RPTOR: variants seen among roughly 807,000 people sequenced by gnomAD.
The protein encoded by RPTOR is regulatory-associated protein of mTOR.
Under a neutral mutation model 169.9 loss-of-function variants are expected in RPTOR, and 21 were observed. That is an observed-to-expected ratio of 0.12 (90% CI 0.09 to 0.18). The LOEUF is 0.18. Among genes scored for constraint, RPTOR ranks in the 10% least tolerant of loss-of-function variants. RPTOR has a pLI of 1.00. For missense variants in RPTOR, 1,133 were observed against 1,855.9 expected, an observed-to-expected ratio of 0.61 and a Z score of 7.16; for synonymous variants, 732 against 753.2, an observed-to-expected ratio of 0.97 and a Z score of 0.46.
chr17:80,678,874 C>T (rs1425618392), intron 3 of RPTOR, among the ~76,000 whole-genome samples: 3 of 152,206 alleles, frequency 2.0e-5, no homozygotes, highest in Admixed American at 6.5e-5. Flanking sequence ...TGTGTGTCAT[C>T]GCAGCCCTCT....
chr17:80,588,830 T>C (rs2065082749), intron 1 of RPTOR, among the ~76,000 whole-genome samples: 1 of 152,242 alleles, frequency 6.6e-6, no homozygotes, highest in Non-Finnish European at 1.5e-5. Context: ...GTGGAACATT[T>C]CTTGTCCTGT....
chr17:80,911,035 G>A (rs1352655792), intron 21 of RPTOR, among the ~76,000 whole-genome samples: 1 of 151,988 alleles, frequency 6.6e-6, no homozygotes, highest in Non-Finnish European at 1.5e-5. Flanking sequence ...GTTTCACCGT[G>A]TTGGCCAGGA....
At chr17:80,766,988 T>C (rs1238453187) in intron 6 of RPTOR, among the ~76,000 whole-genome samples, 3 of 152,230 alleles carry the variant, frequency 2.0e-5, no homozygotes, top group Non-Finnish European at 4.4e-5. Context: ...TCAAAACTTT[T>C]TCTAGAGTGC....
chr17:80,686,062 G>T (rs1388755726), intron 3 of RPTOR, among the ~76,000 whole-genome samples: 1 of 152,056 alleles, frequency 6.6e-6, no homozygotes, highest in Admixed American at 6.6e-5. Context: ...GAGATTACGT[G>T]TCTCTAAGAT....
intron 1 of RPTOR, among the ~76,000 whole-genome samples, chr17:80,617,781 G>T (rs529609225): frequency 1.3e-5 from 2 of 152,260 alleles, no homozygotes; most frequent in East Asian, 3.9e-4. Context: ...AGCTCCTCAC[G>T]CAGTCCTTGG....
rs2084318192 is a variant in RPTOR at position 80,549,404 on chromosome 17, G to A, written c.162+3613G>A. Among the ~76,000 whole-genome samples the A allele has an allele frequency of 3.3e-5, 5 of 152,226 alleles. No homozygotes were observed. The South Asian group carries it at 1.0e-3, about 32-fold the overall frequency. On this transcript the variant is annotated intron_variant, in intron 1 of 33. Coordinates refer to ENST00000306801, the MANE Select transcript of RPTOR (RefSeq NM_020761.3). Reference sequence around the variant, plus strand: ...GGCTCACTGCAACCTCCGCCTCTTGGGTTCAAGCGATTCTCCTGCCGCAGC... The same window carrying A: ...GGCTCACTGCAACCTCCGCCTCTTGAGTTCAAGCGATTCTCCTGCCGCAGC...
intron 9 of RPTOR, among the ~76,000 whole-genome samples, chr17:80,834,127 G>T (rs967996501): frequency 6.6e-6 from 1 of 152,192 alleles, no homozygotes; most frequent in African/African-American, 2.4e-5. Context: ...AGCAGGCGGT[G>T]CCAGGGTGCA....
At chr17:80,954,221 A>G (rs2069219476) in intron 28 of RPTOR, among the ~76,000 whole-genome samples, 1 of 152,070 alleles carries the variant, frequency 6.6e-6, no homozygotes, top group Non-Finnish European at 1.5e-5. Context: ...TCTCAGGTTC[A>G]AGCAATTCTC....
rs936971334 is a variant in RPTOR, at chr17:80,927,593, G to T, written c.2919+2113G>T. ...GGAGGAAGTTCCCCAGAGGCATGTG[G>T]AAGGCCGTGTGTGTGTCTGTCTGTC... On this transcript the variant is annotated intron_variant, in intron 24 of 33. Coordinates refer to ENST00000306801, the MANE Select transcript of RPTOR (RefSeq NM_020761.3). 3.1e-5 allele frequency among the ~76,000 whole-genome samples: 4 copies of T among 130,650 alleles called. No homozygotes were observed. The South Asian group carries it at 7.7e-4, about 25-fold the overall frequency. The allele number at this position is 130,650 out of a possible 152,430, so 85.7% of individuals were successfully genotyped here.
chr17:80,643,675 C>CAG lies in RPTOR; in HGVS notation c.266-50_266-49dup. Reference sequence around the variant, plus strand: ...GAGAAACTGTGGAAGAGAGGCCTAGCAGAGGAGGAAATGCAGACGTAAAGA... The same window carrying CAG: ...GAGAAACTGTGGAAGAGAGGCCTAGCAGAGAGGAGGAAATGCAGACGTAAAGA... On this transcript the variant is annotated intron_variant, in intron 2 of 33. Transcript: ENST00000306801. The CAG allele has an allele frequency of 3.7e-6, 5 of 1,360,622 alleles. No homozygotes were observed. In the South Asian group the frequency reaches 6.2e-5, roughly 17 times the overall value. The allele number at this position is 1,360,622 out of a possible 1,614,324, so 84.3% of individuals were successfully genotyped here.
chr17:80,705,302 G>A (rs1294220415), intron 3 of RPTOR, among the ~76,000 whole-genome samples: 1 of 152,228 alleles, frequency 6.6e-6, no homozygotes, highest in African/African-American at 2.4e-5. Context: ...ACACTGAGAG[G>A]GGAGACCACT....
chr17:80,939,486 A>G (rs1450865016), intron 24 of RPTOR, among the ~76,000 whole-genome samples: 1 of 152,238 alleles, frequency 6.6e-6, no homozygotes, highest in Non-Finnish European at 1.5e-5. Context: ...AGTGAAAATA[A>G]ACTTGGTCTT....
At chr17:80,926,059 C>T (rs2068808266) in intron 24 of RPTOR, among the ~76,000 whole-genome samples, 1 of 152,146 alleles carries the variant, frequency 6.6e-6, no homozygotes, top group Non-Finnish European at 1.5e-5. Context: ...AGCAGGGACT[C>T]GTGGAGATTT....
At chr17:80,572,414 T>TA (rs35606823) in intron 1 of RPTOR, among the ~76,000 whole-genome samples, 2,600 of 151,772 alleles carry the variant, frequency 0.017, 93 homozygotes, top group East Asian at 0.13. Flanking sequence ...TTCTTTTTTT[T>TA]AAAAAAATGC....
At chr17:80,710,027 A>T (rs2066174325) in intron 4 of RPTOR, among the ~76,000 whole-genome samples, 1 of 150,852 alleles carries the variant, frequency 6.6e-6, no homozygotes, top group South Asian at 2.1e-4. Flanking sequence ...CCCAGGCTGG[A>T]GTACAGTGGC....
At chr17:80,744,209 T>G (rs368252375) in intron 5 of RPTOR, among the ~76,000 whole-genome samples, 4 of 70,062 alleles carry the variant, frequency 5.7e-5, no homozygotes, top group East Asian at 5.0e-4. Flanking sequence ...CCCTGGTTAC[T>G]AGCACTGTCC....
intron 13 of RPTOR, among the ~76,000 whole-genome samples, chr17:80,864,748 T>C (rs2067967604): frequency 6.6e-6 from 1 of 152,266 alleles, no homozygotes; most frequent in African/African-American, 2.4e-5. Context: ...ATGGGATTTT[T>C]TTCTTTTTAT....
At chr17:80,580,285 G>A (rs1025163966) in intron 1 of RPTOR, among the ~76,000 whole-genome samples, 1 of 152,184 alleles carries the variant, frequency 6.6e-6, no homozygotes, top group African/African-American at 2.4e-5. Context: ...GTTTCTGGAA[G>A]TGATAGAAAT....
chr17:80,823,321 C>G lies in RPTOR; in HGVS notation c.1136+98C>G. On this transcript the variant is annotated intron_variant, in intron 9 of 33. Transcript: ENST00000306801. The surrounding 1 kb of genome is among the most constrained non-coding windows in gnomAD (Gnocchi z 4.5). ...CGGAGCTGGGCAGGGAGGCCCCACACCTAACTTGGGGACCCCGTGTAGCAT... is the reference window on the plus strand; with the variant it reads ...CGGAGCTGGGCAGGGAGGCCCCACAGCTAACTTGGGGACCCCGTGTAGCAT... 2 of 1,482,234 alleles carry G rather than the reference C, an allele frequency of 1.3e-6. No individual in the cohort carries two copies. Among genetic ancestry groups the G allele is most frequent in the Non-Finnish European group, 1.8e-6 (2 of 1,098,618 alleles). The allele number at this position is 1,482,234 out of a possible 1,614,324, so 91.8% of individuals were successfully genotyped here.
Sources: allele counts gnomAD v4.1 joint callset (sites outside exome capture counted in the v4.1 genomes callset), GRCh38; gene constraint gnomAD v4.1.1; non-coding constraint Gnocchi (gnomAD v3.1); transcripts MANE v1.5; gene names NCBI Gene and HGNC (gene_info 2026-07-23, HGNC 2026-07-21).